HSF2BP: variants seen among roughly 807,000 people sequenced by gnomAD.
The protein encoded by HSF2BP is heat shock transcription factor 2 binding protein, also known as heat shock factor 2-binding protein.
A neutral mutation model predicts 35.0 loss-of-function variants in HSF2BP; 35 were observed. The observed-to-expected ratio is 1.00, with a 90% confidence interval of 0.76 to 1.32. The LOEUF is 1.32. HSF2BP is among the 40% of genes most tolerant of loss of function. The probability of loss-of-function intolerance (pLI) is 0.00; values close to 1 mark genes in which losing one functional copy is unlikely to be tolerated. For synonymous variants in HSF2BP, 114 were observed against 117.4 expected (o/e 0.97, Z 0.18); for missense variants, 326 against 321.7 (o/e 1.01, Z -0.10).
chr21:43,614,569 A>C (rs2082248272), intron 6 of HSF2BP, among the ~76,000 whole-genome samples: 2 of 152,078 alleles, frequency 1.3e-5, no homozygotes, highest in African/African-American at 4.8e-5. Context: ...GGGTCCAAAC[A>C]TAAGGTGGGG....
intron 4 of HSF2BP, among the ~76,000 whole-genome samples, chr21:43,641,693 A>T (rs1375811201): frequency 6.6e-6 from 1 of 152,102 alleles, no homozygotes; most frequent in Non-Finnish European, 1.5e-5. Flanking sequence ...CACGCCTGTA[A>T]ACCCAGCACT....
At chr21:43,614,472 C>T (rs575304731) in intron 6 of HSF2BP, among the ~76,000 whole-genome samples, 8 of 152,158 alleles carry the variant, frequency 5.3e-5, no homozygotes, top group East Asian at 1.9e-4. Flanking sequence ...TAGCAAGCGC[C>T]GAAAGAGTGA....
chr21:43,579,204 C>T (rs2081687308), intron 8 of HSF2BP, among the ~76,000 whole-genome samples: 1 of 152,296 alleles, frequency 6.6e-6, no homozygotes, highest in East Asian at 1.9e-4. Flanking sequence ...TCATTAGCTG[C>T]GGTTTTCTAA....
intron 6 of HSF2BP, 102 bp from the exon 7 acceptor site, chr21:43,614,049 C>CA (rs1341062563): frequency 1.2e-6 from 1 of 816,236 alleles, no homozygotes; most frequent in African/African-American, 1.8e-5. Flanking sequence ...CTAATGAAAA[C>CA]ACAGCTGAAA....
At chr21:43,579,533 T>G (rs1291401432) in intron 8 of HSF2BP, among the ~76,000 whole-genome samples, 1 of 152,190 alleles carries the variant, frequency 6.6e-6, no homozygotes, top group Non-Finnish European at 1.5e-5. Context: ...ATTTTTCATT[T>G]TAGACTGAAA....
In HSF2BP at chr21:43,659,413, A is replaced by G. The variant is rs1382243525; in HGVS notation, c.-252T>C. The G allele has an allele frequency of 1.4e-5, 3 of 218,308 alleles. No individual in the cohort carries two copies. The highest frequency in any genetic ancestry group is 2.6e-5 in the Non-Finnish European group (3 of 113,374). The allele number at this position is 218,308 out of a possible 1,614,324, so 13.5% of individuals were successfully genotyped here. ...CGCCGTCTACAGCCTGAATTTTGGC[A>G]ACCGAAAGGCAGCGCCGGCGCCACG... On this transcript the variant is annotated 5_prime_UTR_variant, in exon 1 of 9. Coordinates refer to ENST00000291560, the MANE Select transcript of HSF2BP (RefSeq NM_007031.2). The surrounding 1 kb of genome is among the most constrained non-coding windows in gnomAD (Gnocchi z 4.2).
At chr21:43,657,945 G>A in intron 2 of HSF2BP, 116 bp downstream of exon 2, 2 of 1,511,778 alleles carry the variant, frequency 1.3e-6, no homozygotes, top group South Asian at 2.5e-5. Flanking sequence ...GAAGTCTCCA[G>A]GCTTCCCCCA....
chr21:43,639,519 C>T (rs1241949848), intron 4 of HSF2BP, among the ~76,000 whole-genome samples: 1 of 152,072 alleles, frequency 6.6e-6, no homozygotes, highest in Non-Finnish European at 1.5e-5. Flanking sequence ...AAAGAGAATA[C>T]ACAGACAGAA....
chr21:43,639,507 T>C (rs1462396754), intron 4 of HSF2BP, among the ~76,000 whole-genome samples: 1 of 152,082 alleles, frequency 6.6e-6, no homozygotes, highest in Admixed American at 6.5e-5. Flanking sequence ...AAACATTTCA[T>C]AAAAGAGAAT....
At chr21:43,632,378 TCCCCCCCCACACACACACACTCC>T (rs1452329656) in intron 5 of HSF2BP, among the ~76,000 whole-genome samples, 1 of 35,450 alleles carries the variant, frequency 2.8e-5, no homozygotes, top group African/African-American at 1.6e-4. Context: ...ACACACACGC[TCCCCCCCCACACACACACACTCC>T]CCCACACACA....
In HSF2BP at chr21:43,658,901, C is replaced by T. The variant is rs180829184; in HGVS notation, c.-225+485G>A. ...CAGTGCCGGCCTTTCCTTCCAGTCT[C>T]AACTCCACCCGGGGGCCCGGGGGCT... On this transcript the variant is annotated intron_variant, in intron 1 of 8. Coordinates refer to ENST00000291560, the MANE Select transcript of HSF2BP (RefSeq NM_007031.2). 3.6e-3 allele frequency among the ~76,000 whole-genome samples: 544 copies of T among 152,362 alleles called. 5 individuals carry two copies. The highest frequency in any genetic ancestry group is 0.012 in the African/African-American group (515 of 41,594).
chr21:43,604,643 ACAC>A (rs1382728964), intron 7 of HSF2BP, among the ~76,000 whole-genome samples: 7 of 142,804 alleles, frequency 4.9e-5, no homozygotes, highest in African/African-American at 1.9e-4. Context: ...TACAGCACAC[ACAC>A]CACACACACA....
At chr21:43,618,108 TAA>T (rs2082291398) in intron 6 of HSF2BP, among the ~76,000 whole-genome samples, 1 of 150,864 alleles carries the variant, frequency 6.6e-6, no homozygotes, top group Non-Finnish European at 1.5e-5. Context: ...AAAATAAAAA[TAA>T]AAATTAGCTA....
intron 1 of HSF2BP, among the ~76,000 whole-genome samples, 165 bp from the exon 2 acceptor site, chr21:43,658,485 C>A (rs1244800086): frequency 1.3e-5 from 2 of 152,238 alleles, no homozygotes; most frequent in Non-Finnish European, 2.9e-5. Flanking sequence ...CGCTCGGATT[C>A]AGGCGCTTTT....
At chr21:43,636,894 C>CAAA (rs34578952) in intron 4 of HSF2BP, among the ~76,000 whole-genome samples, 11 of 112,054 alleles carry the variant, frequency 9.8e-5, no homozygotes, top group African/African-American at 1.3e-4. Context: ...CGTCTCAAAA[C>CAAA]AAAAAAAAAA....
the HSF2BP span, among the ~76,000 whole-genome samples, chr21:43,467,805 CAG>C: frequency 1.0e-5 from 1 of 95,650 alleles, no homozygotes; most frequent in African/African-American, 4.2e-5. Flanking sequence ...ACACATTACA[CAG>C]CACACCACAC....
At chr21:43,629,383 T>C (rs1157481260) in intron 6 of HSF2BP, among the ~76,000 whole-genome samples, 5 of 152,078 alleles carry the variant, frequency 3.3e-5, no homozygotes, top group African/African-American at 1.2e-4. Context: ...CTGGCCAACA[T>C]GGAGAAACCC....
chr21:43,634,721 C>T (rs1335072056), intron 4 of HSF2BP, among the ~76,000 whole-genome samples: 1 of 152,180 alleles, frequency 6.6e-6, no homozygotes, highest in Non-Finnish European at 1.5e-5. Flanking sequence ...AAAATGGCCA[C>T]TGAGCCTCTG....
intron 7 of HSF2BP, among the ~76,000 whole-genome samples, chr21:43,605,426 AACAC>A (rs1161232508): frequency 2.2e-5 from 3 of 136,100 alleles, no homozygotes; most frequent in Non-Finnish European, 4.8e-5. Context: ...CACACACTCC[AACAC>A]ACACACATAC....
Sources: allele counts gnomAD v4.1 joint callset (sites outside exome capture counted in the v4.1 genomes callset), GRCh38; gene constraint gnomAD v4.1.1; non-coding constraint Gnocchi (gnomAD v3.1); transcripts MANE v1.5; gene names NCBI Gene and HGNC (gene_info 2026-07-23, HGNC 2026-07-21).